CS: variants seen among roughly 807,000 people sequenced by gnomAD.
CS encodes citrate synthase.
In CS, 13 loss-of-function variants were observed where a neutral mutation model predicts 61.4. That is an observed-to-expected ratio of 0.21 (90% CI 0.14 to 0.34). The LOEUF (loss-of-function observed/expected upper bound fraction) is 0.34, where lower values mean the gene tolerates loss of function less well. Ranked by LOEUF, CS falls within the 10% of genes least tolerant of loss-of-function variation. The pLI is 1.00. For missense variants in CS, 278 were observed against 573.4 expected (o/e 0.48, Z 5.26); for synonymous variants, 159 against 215.2 (o/e 0.74, Z 2.29).
chr12:56,275,343 G>C, intron 7 of CS: 1 of 524,194 alleles, frequency 1.9e-6, no homozygotes, highest in Non-Finnish European at 3.4e-6. Context: ...GGGAGGCCAA[G>C]GCGGGTGGAT....
intron 1 of CS, among the ~76,000 whole-genome samples, chr12:56,297,993 C>A (rs184186483): frequency 1.1e-4 from 16 of 152,110 alleles, no homozygotes; most frequent in Admixed American, 2.0e-4. Flanking sequence ...TTTGCTACCC[C>A]CCCCGCCCTT....
At chr12:56,298,129 G>C (rs1873367148) in intron 1 of CS, among the ~76,000 whole-genome samples, 1 of 152,088 alleles carries the variant, frequency 6.6e-6, no homozygotes. Context: ...CTCCCAAGTA[G>C]CTATGATTAC....
chr12:56,288,558 A>T lies in CS; in HGVS notation c.43-1913T>A, dbSNP rs1256352220. On this transcript the variant is annotated intron_variant, in intron 1 of 10. Transcript: ENST00000351328. The stretch of plus-strand genomic sequence containing the variant: ...ATCATGTTGTCCAGGCTGGTCTCAA[A>T]CTCCTGACATCTGGTGATACGCCTA... Among the ~76,000 whole-genome samples, 3 of 151,280 alleles carry T rather than the reference A, an allele frequency of 2.0e-5. No individual in the cohort carries two copies. In the East Asian group the frequency reaches 5.8e-4, roughly 29 times the overall value.
chr12:56,276,112 G>A lies in CS; in HGVS notation c.672C>T (p.Gly224=). Residue 224 remains glycine (G), a synonymous_variant, in exon 7 of 11, where the codon GGC becomes GGT. Transcript: ENST00000351328. ...TAGAGTCAATGGCCCCAATACCGCTGCCTTCTCTGTAGAGATTTCGGTAGA... is the reference window on the plus strand; with the variant it reads ...TAGAGTCAATGGCCCCAATACCGCTACCTTCTCTGTAGAGATTTCGGTAGA... The part of the protein sequence containing the change: ...AKIYRNLYRE[G]SGIGAIDSNL... The A allele has an allele frequency of 1.9e-6, 3 of 1,614,146 alleles. No individual in the cohort carries two copies. Among genetic ancestry groups the A allele is most frequent in the Non-Finnish European group, 2.5e-6 (3 of 1,180,034 alleles).
At chr12:56,278,626 A>G (rs1311826410) in intron 6 of CS, among the ~76,000 whole-genome samples, 1 of 151,416 alleles carries the variant, frequency 6.6e-6, no homozygotes, top group Non-Finnish European at 1.5e-5. Context: ...GGTCCCAGCT[A>G]CTCGGGAGGC....
At chr12:56,293,650 G>T (rs1471724648) in intron 1 of CS, among the ~76,000 whole-genome samples, 1 of 152,178 alleles carries the variant, frequency 6.6e-6, no homozygotes, top group East Asian at 1.9e-4. Flanking sequence ...GGAGACGGAG[G>T]TTGCAGTGAG....
chr12:56,277,096 C>T (rs1469739673), intron 6 of CS, among the ~76,000 whole-genome samples: 3 of 150,986 alleles, frequency 2.0e-5, no homozygotes, highest in African/African-American at 7.3e-5. Context: ...CCCAGCTACT[C>T]GGGAGGCTGA....
chr12:56,299,442 T>C (rs748261907), intron 1 of CS, among the ~76,000 whole-genome samples: 53 of 152,166 alleles, frequency 3.5e-4, no homozygotes, highest in Non-Finnish European at 5.6e-4. Flanking sequence ...GGCATTAGTA[T>C]CTCTTGCCGA....
chr12:56,282,551 T>C lies in CS; in HGVS notation c.457A>G (p.Thr153Ala). The change falls in exon 6 of 11, where the codon ACC (threonine) becomes GCC (alanine). Residue 153 changes from threonine to alanine, a missense_variant. Transcript: ENST00000351328. ...TTGGTGGGAAAGTTGTCCAGCATGG[T>C]GACCACATGGGAAGGCAGAGCTGCC... ...KRAALPSHVV[T>A]MLDNFPTNLH... 2 of 1,567,566 alleles carry C rather than the reference T, an allele frequency of 1.3e-6. No homozygotes were observed. The highest frequency in any genetic ancestry group is 1.7e-6 in the Non-Finnish European group (2 of 1,154,292).
In CS at chr12:56,300,329, G is replaced by A. The variant is rs1592417214; in HGVS notation, c.-128C>T. On this transcript the variant is annotated 5_prime_UTR_variant, in exon 1 of 11. Transcript: ENST00000351328. ...ACAAGGTTGAAAGGAGGCGGCTGAA[G>A]GAAAGAGTAGACGAACCGGCGGCGG... 2 of 1,054,508 alleles carry A rather than the reference G, an allele frequency of 1.9e-6. No homozygotes were observed. Among genetic ancestry groups the A allele is most frequent in the South Asian group, 1.4e-5 (1 of 69,530 alleles). The allele number at this position is 1,054,508 out of a possible 1,614,324, so 65.3% of individuals were successfully genotyped here.
chr12:56,285,289 T>G (rs1425107721), intron 3 of CS: 1 of 441,040 alleles, frequency 2.3e-6, no homozygotes, highest in Non-Finnish European at 4.6e-6. Flanking sequence ...ATCTTTCTTT[T>G]TGTTTGTTTT....
intron 6 of CS, among the ~76,000 whole-genome samples, chr12:56,276,835 C>T (rs1371657492): frequency 2.0e-5 from 3 of 152,164 alleles, no homozygotes; most frequent in Non-Finnish European, 4.4e-5. Context: ...AGCCACCATG[C>T]CTGGCCCTCT....
chr12:56,284,370 G>A (rs1268825892), intron 3 of CS, among the ~76,000 whole-genome samples: 4 of 148,862 alleles, frequency 2.7e-5, no homozygotes, highest in Admixed American at 6.7e-5. Flanking sequence ...GGCCAGGTAC[G>A]GTGGGGCTCA....
chr12:56,275,068 G>A lies in CS; in HGVS notation c.852C>T (p.Asp284=), dbSNP rs760994897. The change falls in exon 8 of 11, where the codon GAC becomes GAT. Residue 284 remains aspartate, a synonymous_variant. Transcript: ENST00000351328. ...TSHLVGSALS[D]PYLSFAAAMN... is the part of the protein sequence containing the mutation. ...TGGCTGCTGCAAAGGACAGGTAAGGGTCGGAAAGGGCACTGCCCACCAAAT... is the reference window on the plus strand; with the variant it reads ...TGGCTGCTGCAAAGGACAGGTAAGGATCGGAAAGGGCACTGCCCACCAAAT... The A allele has an allele frequency of 3.7e-6, 6 of 1,614,106 alleles. No individual in the cohort carries two copies. In the African/African-American group the frequency reaches 8.0e-5, roughly 22 times the overall value.
chr12:56,291,602 T>C (rs1565623319), intron 1 of CS: 1 of 152,548 alleles, frequency 6.6e-6, no homozygotes, highest in Non-Finnish European at 1.5e-5. Context: ...TCAGGTTATG[T>C]TCATTGATGA....
At chr12:56,289,423 AT>A (rs34878067) in intron 1 of CS, among the ~76,000 whole-genome samples, 5 of 150,896 alleles carry the variant, frequency 3.3e-5, no homozygotes, top group Admixed American at 1.3e-4. Context: ...TGCTGTGGTG[AT>A]TTTTTTTTAA....
At chr12:56,280,893 A>T (rs962462898) in intron 6 of CS, among the ~76,000 whole-genome samples, 2 of 152,190 alleles carry the variant, frequency 1.3e-5, no homozygotes, top group Admixed American at 1.3e-4. Context: ...TCATTCTGAT[A>T]CCAACTCCCC....
At chr12:56,291,367 A>G (rs1211876824) in intron 1 of CS, 6 of 745,886 alleles carry the variant, frequency 8.0e-6, no homozygotes, top group East Asian at 1.3e-4. Flanking sequence ...TTTTTTTTTA[A>G]CAGGCATCAA....
rs1428816221 is a variant in CS at position 56,300,141 on chromosome 12, C to A, written c.42+19G>T. On this transcript the variant is annotated intron_variant, in intron 1 of 10. Coordinates refer to ENST00000351328, the MANE Select transcript of CS (RefSeq NM_004077.3). ...CAGCCCCACCCTGGGACGGCGTGCT[C>A]CCTCCCCTCGCTGCTCACCTTGGTT... The A allele has an allele frequency of 3.2e-6, 5 of 1,557,042 alleles. No homozygotes were observed. The highest frequency in any genetic ancestry group is 4.3e-6 in the Non-Finnish European group (5 of 1,151,618).
Sources: gnomAD v4.1 joint callset for allele counts (sites outside exome capture counted in the v4.1 genomes callset) on GRCh38, gnomAD v4.1.1 for gene constraint, MANE v1.5 for transcripts, NCBI Gene and HGNC (gene_info 2026-07-23, HGNC 2026-07-21) for gene names.